Variants in PIWIL2 observed in about 807,000 individuals in gnomAD.
PIWIL2 encodes the protein piwi like RNA-mediated gene silencing 2.
PIWIL2 carries 81 observed loss-of-function variants against 116.5 expected under a neutral mutation model. That is an observed-to-expected ratio of 0.70 (90% CI 0.58 to 0.84). PIWIL2 has a LOEUF of 0.84. Ranked by LOEUF, PIWIL2 falls within the 40% of genes least tolerant of loss-of-function variation. The pLI is 0.00. For synonymous variants in PIWIL2, 489 were observed against 429.5 expected, an observed-to-expected ratio of 1.14 and a Z score of -1.71; for missense variants, 1,272 against 1,212.3, an observed-to-expected ratio of 1.05 and a Z score of -0.73.
chr8:22,306,661 T>G (rs1188112096), intron 13 of PIWIL2, among the ~76,000 whole-genome samples: 2 of 152,220 alleles, frequency 1.3e-5, no homozygotes, highest in East Asian at 1.9e-4. Context: ...ATGTCTGTCT[T>G]AGACCCATAT....
intron 10 of PIWIL2, among the ~76,000 whole-genome samples, chr8:22,296,074 G>T: frequency 2.7e-5 from 3 of 109,122 alleles, no homozygotes; most frequent in Admixed American, 2.3e-4. Flanking sequence ...TGTTGTTGTT[G>T]AGATGGAGTC....
At position 22,345,102 on chromosome 8, in the gene PIWIL2, C is replaced by T. The variant is rs1028123274; in HGVS notation, c.2404-7857C>T. 3.9e-5 allele frequency among the ~76,000 whole-genome samples: 6 copies of T among 152,248 alleles called. No individual in the cohort carries two copies. The South Asian group carries it at 6.2e-4, about 16-fold the overall frequency. The stretch of plus-strand genomic sequence containing the variant: ...ATAAGGTGGAAGAGTCACTTGAACC[C>T]GGGAGTTTAAGGCTATAGTGTGTGA... On this transcript the variant is annotated intron_variant, in intron 20 of 22. Coordinates refer to ENST00000356766, the MANE Select transcript of PIWIL2 (RefSeq NM_018068.5).
At chr8:22,337,469 C>A (rs1297025411) in intron 20 of PIWIL2, among the ~76,000 whole-genome samples, 1 of 152,074 alleles carries the variant, frequency 6.6e-6, no homozygotes, top group Admixed American at 6.6e-5. Context: ...TGGCACACAC[C>A]TGTAATCCCA....
intron 20 of PIWIL2, among the ~76,000 whole-genome samples, chr8:22,324,184 C>T (rs543349697): frequency 7.1e-4 from 108 of 152,294 alleles, no homozygotes; most frequent in Non-Finnish European, 1.2e-3. Flanking sequence ...ATCACTTGAA[C>T]CTGGGAGGTG....
At chr8:22,327,299 A>G (rs976966253) in intron 20 of PIWIL2, among the ~76,000 whole-genome samples, 4 of 149,542 alleles carry the variant, frequency 2.7e-5, no homozygotes, top group Admixed American at 2.7e-4. Flanking sequence ...AGCCTCCCAA[A>G]GTGAGGCACC....
chr8:22,285,762 C>A (rs1378053803), intron 6 of PIWIL2, among the ~76,000 whole-genome samples: 5 of 152,104 alleles, frequency 3.3e-5, no homozygotes, highest in Admixed American at 6.6e-5. Flanking sequence ...TTGCCTCAGC[C>A]TCCCTAGTAG....
intron 20 of PIWIL2, among the ~76,000 whole-genome samples, chr8:22,349,733 A>G (rs1832313411): frequency 6.6e-6 from 1 of 152,068 alleles, no homozygotes; most frequent in Admixed American, 6.6e-5. Context: ...GCAGAATAGA[A>G]ATTGGCAGGA....
At chr8:22,276,218 C>T (rs1830364622) in intron 1 of PIWIL2, among the ~76,000 whole-genome samples, 1 of 152,202 alleles carries the variant, frequency 6.6e-6, no homozygotes, top group Admixed American at 6.5e-5. Flanking sequence ...AGTTCCTGAA[C>T]TGTCTGCACT....
intron 14 of PIWIL2, among the ~76,000 whole-genome samples, chr8:22,309,363 C>A (rs571456985): frequency 2.7e-3 from 417 of 152,032 alleles, no homozygotes; most frequent in Non-Finnish European, 4.5e-3. Context: ...TTTTTTGAGA[C>A]AGAGTCTTGC....
intron 20 of PIWIL2, among the ~76,000 whole-genome samples, chr8:22,339,411 G>A (rs950694388): frequency 5.9e-5 from 9 of 152,186 alleles, no homozygotes; most frequent in Middle Eastern, 3.4e-3. Flanking sequence ...AGGAGGCTGA[G>A]GCAGGAGAAT....
chr8:22,348,373 G>A (rs958248400), intron 20 of PIWIL2, among the ~76,000 whole-genome samples: 4 of 152,120 alleles, frequency 2.6e-5, no homozygotes, highest in African/African-American at 4.8e-5. Context: ...TATTTGTTCC[G>A]TGAATGAATG....
rs1479295508 is a variant in PIWIL2 at position 22,282,435 on chromosome 8, G to A, written c.426-599G>A. Among the ~76,000 whole-genome samples the A allele has an allele frequency of 2.0e-5, 3 of 151,820 alleles. No individual in the cohort carries two copies. The South Asian group carries it at 6.2e-4, about 31-fold the overall frequency. On this transcript the variant is annotated intron_variant, in intron 4 of 22. Coordinates refer to ENST00000356766, the MANE Select transcript of PIWIL2 (RefSeq NM_018068.5). ...ACTCCTGACATCAGGTAATCCTCCC[G>A]CCTTGGCTTCCCAGAGAGCTGGGAT... is the stretch of plus-strand genomic sequence containing the variant.
At chr8:22,345,002 A>G (rs920002205) in intron 20 of PIWIL2, among the ~76,000 whole-genome samples, 2 of 152,186 alleles carry the variant, frequency 1.3e-5, no homozygotes, top group African/African-American at 4.8e-5. Flanking sequence ...TTTGGAAAAC[A>G]GTTGGGCAGT....
chr8:22,310,335 CCCTT>C (rs372651299), intron 15 of PIWIL2, among the ~76,000 whole-genome samples: 1 of 152,310 alleles, frequency 6.6e-6, no homozygotes, highest in African/African-American at 2.4e-5. Context: ...TACCCACTCT[CCCTT>C]CTTTCTTTCT....
chr8:22,335,539 TAG>T (rs1702683980), intron 20 of PIWIL2, among the ~76,000 whole-genome samples: 1 of 139,364 alleles, frequency 7.2e-6, no homozygotes, highest in African/African-American at 2.6e-5. Context: ...TCAGACAAAA[TAG>T]ACTTTTTTTT....
intron 20 of PIWIL2, among the ~76,000 whole-genome samples, chr8:22,330,680 G>T (rs1193767416): frequency 6.7e-6 from 1 of 149,518 alleles, no homozygotes; most frequent in Non-Finnish European, 1.5e-5. Flanking sequence ...CTGGGCAACA[G>T]AGTGAGACTC....
intron 10 of PIWIL2, among the ~76,000 whole-genome samples, chr8:22,303,377 C>T (rs967213135): frequency 4.6e-5 from 7 of 152,084 alleles, no homozygotes; most frequent in African/African-American, 1.4e-4. Context: ...TTTCAAAGTA[C>T]GAAATTTTAA....
chr8:22,312,942 G>A (rs566628901), intron 16 of PIWIL2, among the ~76,000 whole-genome samples: 17 of 152,224 alleles, frequency 1.1e-4, no homozygotes, highest in African/African-American at 3.4e-4. Flanking sequence ...CACCCAGCCT[G>A]TGCATTCTCT....
At chr8:22,311,637 C>CT (rs1206647368) in intron 16 of PIWIL2, among the ~76,000 whole-genome samples, 1 of 152,224 alleles carries the variant, frequency 6.6e-6, no homozygotes, top group Non-Finnish European at 1.5e-5. Flanking sequence ...CGATTCACTA[C>CT]TGAGCTGCCT....
Sources: gnomAD v4.1 joint callset for allele counts (sites outside exome capture counted in the v4.1 genomes callset) on GRCh38, gnomAD v4.1.1 for gene constraint, MANE v1.5 for transcripts, NCBI Gene and HGNC (gene_info 2026-07-23, HGNC 2026-07-21) for gene names.